SMYD3: variants seen among roughly 807,000 people sequenced by gnomAD.
The protein encoded by SMYD3 is histone-lysine N-methyltransferase SMYD3.
A neutral mutation model predicts 57.7 loss-of-function variants in SMYD3; 36 were observed. The observed-to-expected ratio is 0.62, with a 90% CI of 0.48 to 0.82. SMYD3 has a LOEUF of 0.82. Ranked by LOEUF, SMYD3 falls within the 40% of genes least tolerant of loss-of-function variation. The probability of loss-of-function intolerance (pLI) is 0.00; values close to 1 mark genes in which losing one functional copy is unlikely to be tolerated. For synonymous variants in SMYD3, 211 were observed against 195.0 expected (o/e 1.08, Z -0.68); for missense variants, 515 against 538.8 (o/e 0.96, Z 0.44).
At chr1:246,457,532 C>CAAAAAAAAAAAA (rs59617511) in intron 1 of SMYD3, among the ~76,000 whole-genome samples, 9 of 82,412 alleles carry the variant, frequency 1.1e-4, no homozygotes, top group East Asian at 4.1e-4. Context: ...GACTCTGCCT[C>CAAAAAAAAAAAA]AAAAAAAAAA....
At chr1:245,927,841 C>T in intron 7 of SMYD3, 90 bp downstream of exon 7, 2 of 969,428 alleles carry the variant, frequency 2.1e-6, no homozygotes, top group South Asian at 1.3e-5. Context: ...AAAGTTGTCC[C>T]CTCAGGCACA....
At chr1:246,364,613 T>A (rs2148720705) in intron 1 of SMYD3, among the ~76,000 whole-genome samples, 1 of 152,270 alleles carries the variant, frequency 6.6e-6, no homozygotes, top group South Asian at 2.1e-4. Flanking sequence ...AAAAACGGAA[T>A]CCTATAGAGA....
At chr1:246,230,750 C>T (rs1275935486) in intron 5 of SMYD3, among the ~76,000 whole-genome samples, 1 of 152,218 alleles carries the variant, frequency 6.6e-6, no homozygotes, top group Non-Finnish European at 1.5e-5. Flanking sequence ...TTTCTATCAG[C>T]ACCATTTAAT....
At chr1:246,258,030 T>C (rs941568341) in intron 5 of SMYD3, among the ~76,000 whole-genome samples, 43 of 147,384 alleles carry the variant, frequency 2.9e-4, no homozygotes, top group African/African-American at 1.0e-3. Flanking sequence ...AATTACCCAG[T>C]CTCAGGTATT....
intron 10 of SMYD3, among the ~76,000 whole-genome samples, chr1:245,852,337 G>A (rs548870248): frequency 6.6e-6 from 1 of 152,130 alleles, no homozygotes; most frequent in Non-Finnish European, 1.5e-5. Context: ...TAGGTTCAGT[G>A]CTGGAACCAC....
intron 5 of SMYD3, among the ~76,000 whole-genome samples, chr1:246,214,280 T>G (rs1331081617): frequency 1.3e-5 from 2 of 152,134 alleles, no homozygotes; most frequent in Non-Finnish European, 2.9e-5. Context: ...AAAGCTTTAT[T>G]TGGTAAAAGA....
intron 5 of SMYD3, among the ~76,000 whole-genome samples, chr1:246,142,845 C>T (rs140547028): frequency 6.6e-6 from 1 of 152,164 alleles, no homozygotes; most frequent in African/African-American, 2.4e-5. Flanking sequence ...TTGGCCAGAA[C>T]ATCATGAAGC....
chr1:245,760,206 C>T (rs1200431721), intron 11 of SMYD3, among the ~76,000 whole-genome samples: 1 of 152,194 alleles, frequency 6.6e-6, no homozygotes, highest in Non-Finnish European at 1.5e-5. Context: ...TTCTGAAGCT[C>T]CTCTGATTTC....
At chr1:245,976,878 TCC>T (rs2058442842) in intron 5 of SMYD3, among the ~76,000 whole-genome samples, 1 of 54,092 alleles carries the variant, frequency 1.8e-5, no homozygotes, top group Non-Finnish European at 4.7e-5. Context: ...AGCCATCGTC[TCC>T]GGCCCAGGGA....
At chr1:246,273,296 C>T (rs1055113575) in intron 5 of SMYD3, among the ~76,000 whole-genome samples, 4 of 151,214 alleles carry the variant, frequency 2.6e-5, no homozygotes, top group African/African-American at 9.7e-5. Flanking sequence ...ATTACAGGTG[C>T]CCGCCACCGT....
At position 246,459,331 on chromosome 1, in the gene SMYD3, C is replaced by T. The variant is rs528825352; in HGVS notation, c.164+47723G>A. ...TCTGCTGTTCTCATGATAGAGTTCT[C>T]GCGAGATCTTATTTAAAAGTGTGTA... On this transcript the variant is annotated intron_variant, in intron 1 of 11. Coordinates refer to ENST00000490107, the MANE Select transcript of SMYD3 (RefSeq NM_001167740.2). Among the ~76,000 whole-genome samples, 58 of 147,206 alleles carry T rather than the reference C, an allele frequency of 3.9e-4. 1 individual carries two copies. The highest frequency in any genetic ancestry group is 7.3e-4 in the Non-Finnish European group (49 of 67,360).
At chr1:245,920,087 T>C (rs28397718) in intron 7 of SMYD3, among the ~76,000 whole-genome samples, 6 of 151,814 alleles carry the variant, frequency 4.0e-5, no homozygotes, top group African/African-American at 1.5e-4. Flanking sequence ...GCCAAGGCGG[T>C]AGGATCACGA....
At chr1:246,103,651 A>G (rs7533144) in intron 5 of SMYD3, among the ~76,000 whole-genome samples, 2,480 of 152,246 alleles carry the variant, frequency 0.016, 72 homozygotes, top group African/African-American at 0.057. Flanking sequence ...TCTCCCTTTC[A>G]TAACCCACTC....
chr1:245,831,763 G>A (rs1336546348), intron 10 of SMYD3, among the ~76,000 whole-genome samples: 1 of 152,136 alleles, frequency 6.6e-6, no homozygotes, highest in Non-Finnish European at 1.5e-5. Flanking sequence ...CAGAAAACAC[G>A]GCCAAGTCAG....
chr1:245,888,272 G>C (rs1169442547), intron 8 of SMYD3, among the ~76,000 whole-genome samples: 1 of 152,104 alleles, frequency 6.6e-6, no homozygotes, highest in African/African-American at 2.4e-5. Context: ...TATTTTTCCT[G>C]TTTATATTTC....
intron 5 of SMYD3, among the ~76,000 whole-genome samples, chr1:246,253,704 A>T (rs78564620): frequency 0.025 from 3,759 of 152,260 alleles, 151 homozygotes; most frequent in African/African-American, 0.085. Context: ...TAGGTGTTGT[A>T]GGTGTGTATA....
At chr1:246,400,788 T>C (rs566638980) in intron 1 of SMYD3, among the ~76,000 whole-genome samples, 77 of 151,960 alleles carry the variant, frequency 5.1e-4, no homozygotes, top group Non-Finnish European at 7.5e-4. Flanking sequence ...AGCCATGTAA[T>C]AAAATACCCA....
intron 5 of SMYD3, among the ~76,000 whole-genome samples, chr1:245,942,459 G>A (rs2057283343): frequency 1.3e-5 from 2 of 152,156 alleles, no homozygotes; most frequent in Non-Finnish European, 2.9e-5. Context: ...ACCCAATACA[G>A]GAGCACCCAG....
intron 5 of SMYD3, among the ~76,000 whole-genome samples, chr1:246,122,459 T>C (rs1342049669): frequency 2.0e-5 from 3 of 152,312 alleles, no homozygotes; most frequent in South Asian, 2.1e-4. Flanking sequence ...TGTATTCGTA[T>C]ATGACAGAAC....
Sources: allele counts gnomAD v4.1 joint callset (sites outside exome capture counted in the v4.1 genomes callset), GRCh38; gene constraint gnomAD v4.1.1; transcripts MANE v1.5; gene names NCBI Gene and HGNC (gene_info 2026-07-23, HGNC 2026-07-21).